Variants in PCSK5 observed in about 807,000 individuals in gnomAD.
PCSK5 encodes proprotein convertase subtilisin/kexin type 5.
A neutral mutation model predicts 233.2 loss-of-function variants in PCSK5; 129 were observed. The ratio of observed to expected loss-of-function variants is 0.55; its 90% CI spans 0.48 to 0.64. PCSK5 has a LOEUF of 0.64. Among genes scored for constraint, PCSK5 ranks in the 30% least tolerant of loss-of-function variants. The probability of loss-of-function intolerance (pLI) is 0.00; values close to 1 mark genes in which losing one functional copy is unlikely to be tolerated. For synonymous variants in PCSK5, 825 were observed against 879.2 expected (o/e 0.94, Z 1.09); for missense variants, 2,076 against 2,430.1 (o/e 0.85, Z 3.06).
chr9:75,985,982 C>G (rs4322070), intron 2 of PCSK5, 150 bp from the exon 3 acceptor site: 164,680 of 571,582 alleles, frequency 0.29, 27,298 homozygotes, highest in East Asian at 0.64. Flanking sequence ...TAAGGAATCT[C>G]TGAGCACTTA....
intron 5 of PCSK5, among the ~76,000 whole-genome samples, chr9:76,063,138 T>C (rs186217538): frequency 6.7e-6 from 1 of 150,216 alleles, no homozygotes; most frequent in African/African-American, 2.5e-5. Context: ...TTTTTTTTCT[T>C]TTTTTTTTCT....
chr9:76,089,373 C>T (rs1301459112), intron 7 of PCSK5, among the ~76,000 whole-genome samples: 1 of 152,204 alleles, frequency 6.6e-6, no homozygotes, highest in Non-Finnish European at 1.5e-5. Context: ...TTCAAGTCGA[C>T]ATATACAGAT....
intron 35 of PCSK5, 82 bp downstream of exon 35, chr9:76,338,529 C>A: frequency 2.0e-6 from 2 of 982,206 alleles, no homozygotes; most frequent in Non-Finnish European, 3.1e-6. Flanking sequence ...TCTCTCTTCT[C>A]ACCACCTGGG....
At chr9:76,220,451 T>A (rs1005952734) in intron 20 of PCSK5, among the ~76,000 whole-genome samples, 2 of 142,716 alleles carry the variant, frequency 1.4e-5, no homozygotes, top group African/African-American at 5.3e-5. Flanking sequence ...GGCTTGAACA[T>A]GGGAGGCAGA....
At chr9:76,352,631 G>A (rs1207083452) in intron 36 of PCSK5, among the ~76,000 whole-genome samples, 1 of 152,042 alleles carries the variant, frequency 6.6e-6, no homozygotes, top group African/African-American at 2.4e-5. Flanking sequence ...GCCTCCCAAA[G>A]TGCTAGGATT....
intron 4 of PCSK5, among the ~76,000 whole-genome samples, chr9:76,026,133 G>C (rs10781327): frequency 0.1 from 15,890 of 151,774 alleles, 936 homozygotes; most frequent in East Asian, 0.22. Context: ...AAAGAAAATT[G>C]AAAGCATATT....
intron 3 of PCSK5, among the ~76,000 whole-genome samples, chr9:75,988,513 C>A (rs1826625301): frequency 6.6e-6 from 1 of 152,082 alleles, no homozygotes; most frequent in Non-Finnish European, 1.5e-5. Flanking sequence ...ACCTCCTGGA[C>A]TCAAGTGATC....
chr9:76,320,465 C>CTTTTTTTTT (rs140154837), intron 30 of PCSK5, among the ~76,000 whole-genome samples: 3 of 102,022 alleles, frequency 2.9e-5, no homozygotes, highest in Non-Finnish European at 5.7e-5. Flanking sequence ...TACATTGTAG[C>CTTTTTTTTT]TTTTTTTTTT....
intron 5 of PCSK5, among the ~76,000 whole-genome samples, chr9:76,037,477 G>A (rs899866028): frequency 6.6e-6 from 1 of 152,168 alleles, no homozygotes; most frequent in Non-Finnish European, 1.5e-5. Context: ...TATTACAGGT[G>A]ACAGTAAGTA....
At chr9:76,009,627 A>AG (rs1408481165) in intron 3 of PCSK5, among the ~76,000 whole-genome samples, 1 of 146,628 alleles carries the variant, frequency 6.8e-6, no homozygotes, top group Admixed American at 6.8e-5. Context: ...CTCCGTCTCA[A>AG]GGAAAAAAAA....
intron 27 of PCSK5, among the ~76,000 whole-genome samples, chr9:76,298,653 A>C (rs1484026805): frequency 1.3e-5 from 2 of 151,664 alleles, no homozygotes; most frequent in African/African-American, 4.8e-5. Flanking sequence ...TTTTGCTTAA[A>C]AAAAACAGGA....
At chr9:76,276,464 A>G (rs58059106) in intron 24 of PCSK5, among the ~76,000 whole-genome samples, 3,322 of 152,236 alleles carry the variant, frequency 0.022, 87 homozygotes, top group African/African-American at 0.066. Flanking sequence ...AAGATCCTAT[A>G]TGATCTTGTC....
rs528981486 is a variant in PCSK5 at position 75,904,837 on chromosome 9, A to C, written c.192+13464A>C. ...AAATGAAAACATTTGTCCACACAAA[A>C]TCTTGTAGATAAGTGTTCATGCCAT... On this transcript the variant is annotated intron_variant, in intron 1 of 37. Transcript: ENST00000674117. Among the ~76,000 whole-genome samples the C allele has an allele frequency of 1.2e-4, 19 of 152,362 alleles. No individual in the cohort carries two copies. In the South Asian group the frequency reaches 3.7e-3, roughly 30 times the overall value.
At chr9:76,286,358 T>G (rs1495256) in intron 24 of PCSK5, 13,835 of 152,296 alleles carry the variant, frequency 0.091, 856 homozygotes, top group African/African-American at 0.17. Context: ...GGCCATTGTT[T>G]CTCACCTGCC....
At chr9:76,126,168 T>G (rs1832841033) in intron 9 of PCSK5, among the ~76,000 whole-genome samples, 1 of 139,556 alleles carries the variant, frequency 7.2e-6, no homozygotes, top group Non-Finnish European at 1.5e-5. Context: ...GATTTTTTCC[T>G]GCGTGTGTGT....
intron 30 of PCSK5, among the ~76,000 whole-genome samples, chr9:76,318,116 A>G (rs549423364): frequency 1.3e-5 from 2 of 152,284 alleles, no homozygotes; most frequent in Admixed American, 1.3e-4. Flanking sequence ...CAGCTCTTCC[A>G]TTCAGCTTTT....
chr9:76,189,260 C>A, intron 19 of PCSK5, 37 bp downstream of exon 19: 2 of 1,581,792 alleles, frequency 1.3e-6, no homozygotes, highest in Non-Finnish European at 1.7e-6. Context: ...AGCATTTAGA[C>A]CTAAGTTCTT....
intron 12 of PCSK5, among the ~76,000 whole-genome samples, chr9:76,165,696 T>A (rs1213279511): frequency 6.6e-6 from 1 of 152,214 alleles, no homozygotes. Context: ...GGACAGAATT[T>A]CACTGCAAGA....
intron 20 of PCSK5, chr9:76,205,221 T>C (rs941379222): frequency 5.8e-6 from 3 of 518,862 alleles, no homozygotes; most frequent in Non-Finnish European, 1.2e-5. Flanking sequence ...CCTTTCCGTA[T>C]TCAACCCTCC....
Sources: gnomAD v4.1 joint callset for allele counts (sites outside exome capture counted in the v4.1 genomes callset) on GRCh38, gnomAD v4.1.1 for gene constraint, MANE v1.5 for transcripts, NCBI Gene and HGNC (gene_info 2026-07-23, HGNC 2026-07-21) for gene names.